Variants in HOXD11 observed in about 807,000 individuals in gnomAD.
HOXD11 encodes the protein homeobox protein Hox-D11.
In HOXD11, 16 loss-of-function variants were observed where a neutral mutation model predicts 23.1. That is an observed-to-expected ratio of 0.69 (90% CI 0.47 to 1.05). The LOEUF (loss-of-function observed/expected upper bound fraction) is 1.05. HOXD11 is among the 50% of genes least tolerant of loss of function. HOXD11 has a pLI of 0.00. For missense variants in HOXD11, 564 were observed against 495.6 expected (o/e 1.14, Z -1.31); for synonymous variants, 262 against 224.4 (o/e 1.17, Z -1.50).
Position 176,107,547 on chromosome 2 carries a change from C to T in HOXD11, c.192C>T (p.Arg64=). 6.2e-7 allele frequency: 1 copy of T among 1,612,072 alleles called. No homozygotes were observed. Among genetic ancestry groups the T allele is most frequent in the Non-Finnish European group, 8.5e-7 (1 of 1,179,276 alleles). Residue 64 remains arginine (R), a synonymous_variant, in exon 1 of 2, where the codon CGC becomes CGT. Coordinates refer to ENST00000249504, the MANE Select transcript of HOXD11 (RefSeq NM_021192.3). ...HVQPVREVAF[R]DYGLERAKWP... is the part of the protein sequence containing the mutation. Reference sequence around the variant, plus strand: ...AGCCCGTGCGCGAAGTGGCCTTCCGCGACTACGGCCTGGAGCGCGCCAAGT... The same window carrying T: ...AGCCCGTGCGCGAAGTGGCCTTCCGTGACTACGGCCTGGAGCGCGCCAAGT...
downstream of HOXD11, among the ~76,000 whole-genome samples, chr2:176,111,058 C>T (rs141901275): frequency 9.3e-4 from 141 of 152,188 alleles, no homozygotes; most frequent in African/African-American, 3.2e-3. Flanking sequence ...AGCAATTTGC[C>T]ACCCTGTGAA....
Position 176,107,552 on chromosome 2 carries a change from A to G in HOXD11, c.197A>G (p.Tyr66Cys), listed in dbSNP as rs762941925. Residue 66 changes from tyrosine to cysteine, a missense_variant, in exon 1 of 2, where the codon TAC becomes TGC. Physicochemically the swap from Tyr to Cys is radical, Grantham distance 194. Coordinates refer to ENST00000249504, the MANE Select transcript of HOXD11 (RefSeq NM_021192.3). ...GTGCGCGAAGTGGCCTTCCGCGACT[A>G]CGGCCTGGAGCGCGCCAAGTGGCCG... ...QPVREVAFRD[Y>C]GLERAKWPYR... 2 of 1,611,104 alleles carry G rather than the reference A, an allele frequency of 1.2e-6. No homozygotes were observed. The highest frequency in any genetic ancestry group is 1.7e-6 in the Non-Finnish European group (2 of 1,178,878).
chr2:176,108,659 C>CTGTGTGTG (rs56323681), intron 1 of HOXD11: 30,007 of 324,658 alleles, frequency 0.092, 1,176 homozygotes, highest in Admixed American at 0.12. Context: ...GTGCCAGGCT[C>CTGTGTGTG]TGTGTGTGTG....
chr2:176,114,619 C>G (rs951903075), downstream of HOXD11, among the ~76,000 whole-genome samples: 3 of 151,652 alleles, frequency 2.0e-5, no homozygotes, highest in Non-Finnish European at 4.4e-5. Context: ...ATGTTCAACG[C>G]TTGTTTCAAC....
chr2:176,109,537 G>C lies in HOXD11; in HGVS notation c.*395G>C. On this transcript the variant is annotated 3_prime_UTR_variant, in exon 2 of 2. Transcript: ENST00000249504. ...AGAGATCCCTTCCTTCCTCTTCGGT[G>C]AATGCAGGTTATTTAAACTTTGGGA... 1 of 261,972 alleles carries C rather than the reference G, an allele frequency of 3.8e-6. No individual in the cohort carries two copies. The highest frequency in any genetic ancestry group is 7.3e-6 in the Non-Finnish European group (1 of 136,158). The allele number at this position is 261,972 out of a possible 1,614,324, so 16.2% of individuals were successfully genotyped here. A position where few individuals can be genotyped will look rare whatever the true frequency, so the allele number is the denominator to read the frequency against.
At chr2:176,110,181 G>C (rs1000512049), downstream of HOXD11, among the ~76,000 whole-genome samples, 2 of 152,170 alleles carry the variant, frequency 1.3e-5, no homozygotes, top group African/African-American at 4.8e-5. Context: ...CACTGAAATA[G>C]GGCCAGGAGC....
downstream of HOXD11, among the ~76,000 whole-genome samples, chr2:176,113,127 T>C (rs1194452025): frequency 1.3e-5 from 2 of 152,144 alleles, no homozygotes; most frequent in Non-Finnish European, 2.9e-5. Flanking sequence ...CCTTTCACCT[T>C]GGCTTGGAGG....
intron 1 of HOXD11, 42 bp from the exon 2 acceptor site, chr2:176,108,865 A>G: frequency 6.9e-7 from 1 of 1,450,300 alleles, no homozygotes; most frequent in Non-Finnish European, 9.6e-7. Flanking sequence ...GGGGGCTGTC[A>G]GGCAGCGGCC....
rs376624960 is a variant in HOXD11, at chr2:176,108,899, C to A, written c.782-8C>A. The A allele has an allele frequency of 2.5e-6, 4 of 1,605,156 alleles. No individual in the cohort carries two copies. The highest frequency in any genetic ancestry group is 3.4e-6 in the Non-Finnish European group (4 of 1,172,102). On this transcript the variant is annotated splice_region_variant and splice_polypyrimidine_tract_variant and intron_variant, in intron 1 of 1. Transcript: ENST00000249504. ...CCTCTCTCACCCCCTGGTCTCTTTG[C>A]CTTGCAGTTGCCCCCCAGCGGTCCC... is the stretch of plus-strand genomic sequence containing the variant.
downstream of HOXD11, among the ~76,000 whole-genome samples, chr2:176,114,040 A>G (rs1689714318): frequency 6.6e-6 from 1 of 152,240 alleles, no homozygotes; most frequent in Admixed American, 6.5e-5. Context: ...GATTAGATTA[A>G]ACAGTCTTGC....
At chr2:176,114,731 G>A (rs1333357941), downstream of HOXD11, among the ~76,000 whole-genome samples, 1 of 152,198 alleles carries the variant, frequency 6.6e-6, no homozygotes, top group East Asian at 1.9e-4. Flanking sequence ...AGAATGCTGA[G>A]GCGCTTTAAT....
Position 176,107,863 on chromosome 2 carries a change from C to T in HOXD11, c.508C>T (p.Arg170Cys). ...AASNFYSAVGRNGILPQGFDQ... is the reference protein window; with the variant it reads ...AASNFYSAVGCNGILPQGFDQ... ...CTCCAACTTCTACAGCGCGGTGGGC[C>T]GCAATGGCATCTTGCCACAGGGCTT... Residue 170 changes from arginine to cysteine, a missense_variant, in exon 1 of 2, where the codon CGC becomes TGC. Physicochemically the swap from Arg to Cys is radical, Grantham distance 180. Coordinates refer to ENST00000249504, the MANE Select transcript of HOXD11 (RefSeq NM_021192.3). 6.2e-6 allele frequency: 9 copies of T among 1,452,124 alleles called. No homozygotes were observed. Among genetic ancestry groups the T allele is most frequent in the Non-Finnish European group, 7.3e-6 (8 of 1,100,014 alleles). The allele number at this position is 1,452,124 out of a possible 1,614,324, so 90.0% of individuals were successfully genotyped here. A position where few individuals can be genotyped will look rare whatever the true frequency, so the allele number is the denominator to read the frequency against.
intron 1 of HOXD11, 130 bp from the exon 2 acceptor site, chr2:176,108,777 C>T (rs1378876729): frequency 1.6e-6 from 1 of 632,234 alleles, no homozygotes; most frequent in African/African-American, 1.9e-5. Flanking sequence ...CAGGCAGGGC[C>T]TTTCGGCCGC....
At position 176,109,095 on chromosome 2, in the gene HOXD11, C is replaced by A. The variant is rs753599164; in HGVS notation, c.970C>A (p.Leu324Met). The change falls in exon 2 of 2, where the codon CTG (leucine) becomes ATG (methionine). Residue 324 changes from leucine (L) to methionine (M), a missense_variant. Coordinates refer to ENST00000249504, the MANE Select transcript of HOXD11 (RefSeq NM_021192.3). ...FQNRRMKEKK[L>M]NRDRLQYFTG... ...GAATCGCAGGATGAAAGAAAAGAAA[C>A]TGAACAGAGACCGTCTGCAGTATTT... The A allele has an allele frequency of 8.1e-6, 13 of 1,613,972 alleles. No individual in the cohort carries two copies. In the African/African-American group the frequency reaches 1.7e-4, roughly 22 times the overall value.
downstream of HOXD11, chr2:176,111,588 A>G (rs1004101007): frequency 2.0e-5 from 3 of 151,370 alleles, no homozygotes; most frequent in East Asian, 5.8e-4. Flanking sequence ...AAACGGAGCA[A>G]CTAGATTCAC....
rs56323681 is a variant in HOXD11, at chr2:176,108,659, CTGTGTGTGTGTGTGTG to C, written c.782-224_782-209del. On this transcript the variant is annotated intron_variant, in intron 1 of 1. Transcript: ENST00000249504. ...TGCTTCCCCACCTCCGTGCCAGGCT[CTGTGTGTGTGTGTGTG>C]TGTGTGTGTGTGTGTGTGTGTGTCC... is the stretch of plus-strand genomic sequence containing the variant. 3.4e-4 allele frequency: 112 copies of C among 326,040 alleles called. 3 individuals carry two copies. The East Asian group carries it at 4.3e-3, about 13-fold the overall frequency. The allele number at this position is 326,040 out of a possible 1,614,324, so 20.2% of individuals were successfully genotyped here. A position where few individuals can be genotyped will look rare whatever the true frequency, so the allele number is the denominator to read the frequency against.
chr2:176,111,840 A>AAAAAAAAAAAAAAAAAAAC (rs1553518459), downstream of HOXD11, among the ~76,000 whole-genome samples: 29 of 140,844 alleles, frequency 2.1e-4, no homozygotes, highest in Non-Finnish European at 3.3e-4. Flanking sequence ...AAAAAAAAAA[A>AAAAAAAAAAAAAAAAAAAC]AAAAAAAAAC....
At position 176,107,808 on chromosome 2, in the gene HOXD11, G is replaced by T; in HGVS notation, c.453G>T (p.Pro151=). Residue 151 remains proline (P), a synonymous_variant, in exon 1 of 2, where the codon CCG becomes CCT. Coordinates refer to ENST00000249504, the MANE Select transcript of HOXD11 (RefSeq NM_021192.3). The part of the protein sequence containing the change: ...FKAPEPVCAA[P]GPPHGPAGAA... ...CGCCTGAGCCGGTGTGCGCTGCGCC[G>T]GGGCCGCCGCACGGCCCCGCGGGCG... 7.2e-7 allele frequency: 1 copy of T among 1,394,390 alleles called. No homozygotes were observed. 86.4% of individuals were successfully genotyped at this position (1,394,390 alleles called of 1,614,324 possible).
chr2:176,109,405 T>G lies in HOXD11; in HGVS notation c.*263T>G. The G allele has an allele frequency of 1.7e-5, 7 of 418,518 alleles. No homozygotes were observed. Among genetic ancestry groups the G allele is most frequent in the East Asian group, 8.0e-5 (2 of 25,104 alleles). The allele number at this position is 418,518 out of a possible 1,614,324, so 25.9% of individuals were successfully genotyped here. On this transcript the variant is annotated 3_prime_UTR_variant, in exon 2 of 2. Coordinates refer to ENST00000249504, the MANE Select transcript of HOXD11 (RefSeq NM_021192.3). ...CAATTTTACCGCCAGTGTGCTGTCG[T>G]TCCCCCTCCCCCTCTCCGAGTCCTC...
Sources: allele counts gnomAD v4.1 joint callset (sites outside exome capture counted in the v4.1 genomes callset), GRCh38; gene constraint gnomAD v4.1.1; transcripts MANE v1.5; gene names NCBI Gene and HGNC (gene_info 2026-07-23, HGNC 2026-07-21).